Variants in COL26A1 observed in about 807,000 individuals in gnomAD.
COL26A1 encodes collagen alpha-1(XXVI) chain.
In COL26A1, 41 loss-of-function variants were observed where a neutral mutation model predicts 59.3. The observed-to-expected ratio is 0.69, with a 90% CI of 0.54 to 0.90. The LOEUF (loss-of-function observed/expected upper bound fraction) is 0.90. Ranked by LOEUF, COL26A1 falls within the 40% of genes least tolerant of loss-of-function variation. COL26A1 has a pLI of 0.00. For synonymous variants in COL26A1, 266 were observed against 256.0 expected, an observed-to-expected ratio of 1.04 and a Z score of -0.37; for missense variants, 612 against 602.3, an observed-to-expected ratio of 1.02 and a Z score of -0.17.
intron 2 of COL26A1, among the ~76,000 whole-genome samples, chr7:101,420,584 G>A (rs912446265): frequency 2.6e-5 from 4 of 151,474 alleles, no homozygotes; most frequent in African/African-American, 9.7e-5. Context: ...TGCCCCTCAC[G>A]AGGCCTGCCT....
chr7:101,415,486 T>C (rs1768059333), intron 1 of COL26A1, among the ~76,000 whole-genome samples: 1 of 152,072 alleles, frequency 6.6e-6, no homozygotes, highest in Non-Finnish European at 1.5e-5. Context: ...ATTTTAAATA[T>C]AACTGAGGCT....
rs1009063449 is a variant in COL26A1 at position 101,464,966 on chromosome 7, C to T, written c.385+17179C>T. 2.6e-5 allele frequency among the ~76,000 whole-genome samples: 4 copies of T among 152,030 alleles called. No individual in the cohort carries two copies. The East Asian group carries it at 7.7e-4, about 29-fold the overall frequency. On this transcript the variant is annotated intron_variant, in intron 3 of 12. Coordinates refer to ENST00000313669, the MANE Select transcript of COL26A1 (RefSeq NM_001278563.3). ...GCTCCAAGTGATCCTCCCACCTCAG[C>T]CTCCCAAAGCACTGGTATTATAGGT...
At chr7:101,481,700 C>A (rs999196194) in intron 3 of COL26A1, among the ~76,000 whole-genome samples, 2 of 151,754 alleles carry the variant, frequency 1.3e-5, no homozygotes, top group African/African-American at 4.8e-5. Context: ...ATCCTCCTGC[C>A]TCAGTCTCCC....
At chr7:101,460,825 G>A (rs367780525) in intron 3 of COL26A1, among the ~76,000 whole-genome samples, 38 of 151,570 alleles carry the variant, frequency 2.5e-4, no homozygotes, top group African/African-American at 6.5e-4. Flanking sequence ...GCCTCATTGC[G>A]TCTACATCAT....
chr7:101,385,446 C>G (rs1386896760), intron 1 of COL26A1, among the ~76,000 whole-genome samples: 1 of 151,078 alleles, frequency 6.6e-6, no homozygotes, highest in Non-Finnish European at 1.5e-5. Context: ...TCTTGGCTCA[C>G]TGCAACCTCC....
At chr7:101,489,802 CTT>C (rs1563007962) in intron 3 of COL26A1, among the ~76,000 whole-genome samples, 63 of 2,066 alleles carry the variant, frequency 0.03, 13 homozygotes, top group Non-Finnish European at 0.047. Flanking sequence ...TTCTTTCTTT[CTT>C]TCTTTCTTTC....
chr7:101,445,313 T>C (rs1180934987), intron 2 of COL26A1, among the ~76,000 whole-genome samples: 1 of 152,046 alleles, frequency 6.6e-6, no homozygotes, highest in Non-Finnish European at 1.5e-5. Context: ...GACTGGGTAA[T>C]TTATAAAGAA....
intron 3 of COL26A1, among the ~76,000 whole-genome samples, chr7:101,511,198 G>A (rs147926573): frequency 0.023 from 3,459 of 152,242 alleles, 60 homozygotes; most frequent in South Asian, 0.051. Context: ...CACCGCACCC[G>A]GCCCATCTCA....
At chr7:101,543,932 A>T in intron 5 of COL26A1, 66 bp from the exon 6 acceptor site, 1 of 1,210,648 alleles carries the variant, frequency 8.3e-7, no homozygotes, top group Non-Finnish European at 1.2e-6. Flanking sequence ...CCAGGGGGCC[A>T]GGCCTGGAGC....
At chr7:101,401,677 T>A (rs1792005316) in intron 1 of COL26A1, among the ~76,000 whole-genome samples, 2 of 73,718 alleles carry the variant, frequency 2.7e-5, no homozygotes, top group African/African-American at 5.3e-5. Flanking sequence ...AGGAAGAAGA[T>A]GTTGGAGGCT....
chr7:101,422,372 GAAA>G (rs3072484), intron 2 of COL26A1, among the ~76,000 whole-genome samples: 47,164 of 72,574 alleles, frequency 0.65, 12,996 homozygotes, highest in African/African-American at 0.75. Context: ...GGTCCAAAAT[GAAA>G]AAAAAAAAAA....
intron 1 of COL26A1, among the ~76,000 whole-genome samples, chr7:101,389,324 G>A (rs1791667915): frequency 6.6e-6 from 1 of 151,206 alleles, no homozygotes; most frequent in Non-Finnish European, 1.5e-5. Context: ...TTGAGTTGTA[G>A]GAGTTCCTTA....
chr7:101,382,111 T>C (rs1282978995), intron 1 of COL26A1, among the ~76,000 whole-genome samples: 1 of 152,212 alleles, frequency 6.6e-6, no homozygotes, highest in Non-Finnish European at 1.5e-5. Flanking sequence ...TGCAGTTGCA[T>C]GATTATGGCT....
chr7:101,549,997 G>T (rs74325999), intron 9 of COL26A1, among the ~76,000 whole-genome samples: 5,600 of 152,308 alleles, frequency 0.037, 108 homozygotes, highest in Middle Eastern at 0.12. Flanking sequence ...CAAAGGCCCT[G>T]AGGCAGGGAA....
At chr7:101,463,732 T>C (rs147215644) in intron 3 of COL26A1, among the ~76,000 whole-genome samples, 2,169 of 102,966 alleles carry the variant, frequency 0.021, 32 homozygotes, top group Non-Finnish European at 0.033. Flanking sequence ...CCTCCCTCTC[T>C]CCCCCCTCCC....
At chr7:101,389,428 A>G (rs28716215) in intron 1 of COL26A1, among the ~76,000 whole-genome samples, 9,055 of 140,342 alleles carry the variant, frequency 0.065, 634 homozygotes, top group African/African-American at 0.17. Context: ...AGCCCATGCT[A>G]GAGTGCAGCG....
chr7:101,543,809 GT>G (rs1179055325), intron 5 of COL26A1, among the ~76,000 whole-genome samples, 188 bp from the exon 6 acceptor site: 4 of 152,362 alleles, frequency 2.6e-5, no homozygotes, highest in African/African-American at 9.6e-5. Context: ...ATGTTTGTAA[GT>G]GCAAAGCTGG....
At chr7:101,405,052 T>G (rs1792095479) in intron 1 of COL26A1, among the ~76,000 whole-genome samples, 1 of 151,896 alleles carries the variant, frequency 6.6e-6, no homozygotes, top group Admixed American at 6.6e-5. Flanking sequence ...TGAAACCCCG[T>G]CTCTACTAAA....
intron 3 of COL26A1, among the ~76,000 whole-genome samples, chr7:101,499,896 A>AAG (rs35819045): frequency 0.24 from 34,260 of 140,926 alleles, 4,858 homozygotes; most frequent in Middle Eastern, 0.33. Context: ...AAAAAAAAAA[A>AAG]CACCTTTGTT....
Sources: allele counts gnomAD v4.1 joint callset (sites outside exome capture counted in the v4.1 genomes callset), GRCh38; gene constraint gnomAD v4.1.1; transcripts MANE v1.5; gene names NCBI Gene and HGNC (gene_info 2026-07-23, HGNC 2026-07-21).